Variants in INPP4B observed in about 807,000 individuals in gnomAD.
INPP4B encodes inositol polyphosphate-4-phosphatase type II B.
Under a neutral mutation model 122.5 loss-of-function variants are expected in INPP4B, and 55 were observed. The observed-to-expected ratio is 0.45, with a 90% CI of 0.36 to 0.56. The LOEUF (loss-of-function observed/expected upper bound fraction) is 0.56. Ranked by LOEUF, INPP4B falls within the 20% of genes least tolerant of loss-of-function variation. The pLI, the probability that INPP4B is intolerant of heterozygous loss-of-function variation, is 0.00. For missense variants in INPP4B, 1,000 were observed against 1,097.7 expected (o/e 0.91, Z 1.26); for synonymous variants, 403 against 388.7 (o/e 1.04, Z -0.43).
chr4:142,806,195 C>T (rs954249308), intron 1 of INPP4B, among the ~76,000 whole-genome samples: 1 of 136,764 alleles, frequency 7.3e-6, no homozygotes. Context: ...AGGAGAATGG[C>T]GTGAACCCGG....
chr4:142,784,956 A>G (rs1405325166), intron 1 of INPP4B, among the ~76,000 whole-genome samples: 1 of 152,136 alleles, frequency 6.6e-6, no homozygotes, highest in Admixed American at 6.6e-5. Flanking sequence ...CAGCCCAGGT[A>G]CACAGCCTAC....
At chr4:142,047,557 C>T (rs1302594342) in intron 25 of INPP4B, among the ~76,000 whole-genome samples, 1 of 151,956 alleles carries the variant, frequency 6.6e-6, no homozygotes, top group Non-Finnish European at 1.5e-5. Context: ...ACCGAGATCT[C>T]ATTAGTACTC....
chr4:142,253,017 AC>A (rs1426854504), intron 11 of INPP4B, among the ~76,000 whole-genome samples: 1 of 152,234 alleles, frequency 6.6e-6, no homozygotes, highest in Non-Finnish European at 1.5e-5. Flanking sequence ...CTCCTAGGCT[AC>A]AATCTGTATA....
intron 16 of INPP4B, 60 bp downstream of exon 16, chr4:142,173,572 C>A: frequency 6.8e-7 from 1 of 1,461,510 alleles, no homozygotes; most frequent in South Asian, 1.2e-5. Flanking sequence ...TGCAGAAAGC[C>A]AGACCAATGG....
chr4:142,213,141 G>T (rs1845599332), intron 12 of INPP4B, among the ~76,000 whole-genome samples: 1 of 152,162 alleles, frequency 6.6e-6, no homozygotes, highest in Admixed American at 6.5e-5. Flanking sequence ...TAGGCTATCG[G>T]ATGTGGATGC....
intron 9 of INPP4B, among the ~76,000 whole-genome samples, chr4:142,302,640 G>C (rs1051039383): frequency 6.6e-6 from 1 of 152,036 alleles, no homozygotes. Flanking sequence ...CACATGGTTG[G>C]TTATTGTCAT....
intron 7 of INPP4B, among the ~76,000 whole-genome samples, chr4:142,369,159 C>T (rs1283683325): frequency 1.3e-5 from 2 of 152,122 alleles, no homozygotes; most frequent in African/African-American, 2.4e-5. Flanking sequence ...CTGCTGCACT[C>T]TTGGGGTTTT....
intron 14 of INPP4B, among the ~76,000 whole-genome samples, chr4:142,199,354 A>G (rs1401469554): frequency 2.0e-5 from 3 of 152,074 alleles, no homozygotes; most frequent in Non-Finnish European, 4.4e-5. Context: ...TCACACACAC[A>G]CAAAGATGCA....
chr4:142,769,452 A>G (rs984610422), intron 1 of INPP4B, among the ~76,000 whole-genome samples: 1 of 152,204 alleles, frequency 6.6e-6, no homozygotes, highest in Non-Finnish European at 1.5e-5. Flanking sequence ...GCTACATGCA[A>G]CCATTTTTTA....
chr4:142,218,665 A>C (rs1239861152), intron 12 of INPP4B, among the ~76,000 whole-genome samples: 1 of 152,180 alleles, frequency 6.6e-6, no homozygotes, highest in Non-Finnish European at 1.5e-5. Flanking sequence ...AAAAAATAAA[A>C]ATAGCTGTAG....
At chr4:142,266,159 T>G (rs1482349187) in intron 10 of INPP4B, among the ~76,000 whole-genome samples, 1 of 152,152 alleles carries the variant, frequency 6.6e-6, no homozygotes, top group Non-Finnish European at 1.5e-5. Flanking sequence ...TTGATGCAAG[T>G]GTTCATGTGA....
chr4:142,830,900 T>C (rs1040988669), intron 1 of INPP4B, among the ~76,000 whole-genome samples: 3 of 149,608 alleles, frequency 2.0e-5, no homozygotes, highest in Non-Finnish European at 4.4e-5. Flanking sequence ...CATATGCCTG[T>C]AGTCCCAGCT....
intron 6 of INPP4B, 83 bp downstream of exon 6, chr4:142,405,123 G>GGGGC (rs554663386): frequency 4.3e-6 from 3 of 699,060 alleles, no homozygotes; most frequent in Non-Finnish European, 7.5e-6. Flanking sequence ...GGGGGTGGGG[G>GGGGC]GGAGGGAGAG....
intron 23 of INPP4B, among the ~76,000 whole-genome samples, chr4:142,090,546 T>C (rs1296870813): frequency 2.0e-5 from 3 of 152,118 alleles, no homozygotes; most frequent in African/African-American, 7.2e-5. Flanking sequence ...CTGAAAATTG[T>C]GGTGTACACA....
intron 1 of INPP4B, among the ~76,000 whole-genome samples, chr4:142,770,800 GC>G (rs999866635): frequency 4.6e-5 from 7 of 151,992 alleles, no homozygotes; most frequent in African/African-American, 1.4e-4. Flanking sequence ...CTTCCAAGGG[GC>G]TCACAGTCAA....
At chr4:142,656,366 G>C (rs1011384434) in intron 2 of INPP4B, among the ~76,000 whole-genome samples, 1 of 152,196 alleles carries the variant, frequency 6.6e-6, no homozygotes, top group Non-Finnish European at 1.5e-5. Context: ...CATGGGGCTC[G>C]AGAAGTGGTG....
chr4:142,223,490 G>GA (rs1455878443), intron 12 of INPP4B, among the ~76,000 whole-genome samples: 3 of 151,844 alleles, frequency 2.0e-5, no homozygotes, highest in African/African-American at 7.3e-5. Context: ...TGGCACAATT[G>GA]AAAAAAATGT....
rs1033665070 is a variant in INPP4B, at chr4:142,104,134, C to A, written c.2374+3959G>T. Among the ~76,000 whole-genome samples the A allele has an allele frequency of 3.3e-5, 5 of 152,032 alleles. No homozygotes were observed. In the East Asian group the frequency reaches 7.7e-4, roughly 24 times the overall value. On this transcript the variant is annotated intron_variant, in intron 23 of 25. Coordinates refer to ENST00000262992, the MANE Select transcript of INPP4B (RefSeq NM_001101669.3). ...TCAGATAAAGCACAAAAGATATGGGCATTATTAGAGAAAGGACAGATAATT... is the reference window on the plus strand; with the variant it reads ...TCAGATAAAGCACAAAAGATATGGGAATTATTAGAGAAAGGACAGATAATT...
chr4:142,545,812 T>TATATGTGTGTATATATATAC (rs1370935500), intron 2 of INPP4B, among the ~76,000 whole-genome samples: 8 of 65,372 alleles, frequency 1.2e-4, no homozygotes, highest in African/African-American at 1.5e-4. Context: ...TATACACATA[T>TATATGTGTGTATATATATAC]ACATGTGTGT....
Sources: gnomAD v4.1 joint callset for allele counts (sites outside exome capture counted in the v4.1 genomes callset) on GRCh38, gnomAD v4.1.1 for gene constraint, MANE v1.5 for transcripts, NCBI Gene and HGNC (gene_info 2026-07-23, HGNC 2026-07-21) for gene names.